The following TRIP4 variants were observed in gnomAD, a reference collection of about 807,000 sequenced individuals.
The protein encoded by TRIP4 is thyroid hormone receptor interactor 4.
In TRIP4, 54 loss-of-function variants were observed where a neutral mutation model predicts 81.8. The observed-to-expected ratio is 0.66, with a 90% CI of 0.53 to 0.83. The LOEUF (loss-of-function observed/expected upper bound fraction) is 0.83. Among genes scored for constraint, TRIP4 ranks in the 40% least tolerant of loss-of-function variants. The pLI, the probability that TRIP4 is intolerant of heterozygous loss-of-function variation, is 0.00. For synonymous variants in TRIP4, 270 were observed against 242.8 expected, an observed-to-expected ratio of 1.11 and a Z score of -1.04; for missense variants, 662 against 683.6, an observed-to-expected ratio of 0.97 and a Z score of 0.35.
At chr15:64,405,831 AC>A (rs1395016962) in intron 5 of TRIP4, among the ~76,000 whole-genome samples, 1 of 152,152 alleles carries the variant, frequency 6.6e-6, no homozygotes, top group Non-Finnish European at 1.5e-5. Context: ...CCGCCTCTCT[AC>A]AAAAATTTAA....
chr15:64,391,057 A>C (rs532333110), intron 1 of TRIP4, among the ~76,000 whole-genome samples: 96 of 152,362 alleles, frequency 6.3e-4, no homozygotes, highest in African/African-American at 2.2e-3. Flanking sequence ...CCTGGCATTT[A>C]ATTGAGAATT....
intron 5 of TRIP4, among the ~76,000 whole-genome samples, chr15:64,404,393 T>A (rs551107326): frequency 6.6e-6 from 1 of 152,122 alleles, no homozygotes; most frequent in East Asian, 1.9e-4. Context: ...TGATCTTGGC[T>A]CACTGCAACT....
At chr15:64,439,870 A>G (rs1035215661) in intron 11 of TRIP4, among the ~76,000 whole-genome samples, 8 of 152,016 alleles carry the variant, frequency 5.3e-5, no homozygotes, top group Non-Finnish European at 1.0e-4. Flanking sequence ...TTTACAGATC[A>G]TCTGGGAATT....
intron 4 of TRIP4, among the ~76,000 whole-genome samples, chr15:64,398,606 C>T (rs569352788): frequency 5.3e-5 from 8 of 151,938 alleles, no homozygotes; most frequent in African/African-American, 1.7e-4. Flanking sequence ...CAGGTTATAT[C>T]CTAGTACTGA....
intron 9 of TRIP4, 148 bp downstream of exon 9, chr15:64,418,876 T>C: frequency 1.4e-6 from 1 of 722,168 alleles, no homozygotes; most frequent in Non-Finnish European, 2.0e-6. Context: ...ATATTCATGT[T>C]ACTGACTTGG....
intron 7 of TRIP4, among the ~76,000 whole-genome samples, chr15:64,411,516 A>G (rs907680692): frequency 6.6e-6 from 1 of 152,070 alleles, no homozygotes; most frequent in African/African-American, 2.4e-5. Flanking sequence ...TCACACCTGT[A>G]ATTTCAGCAC....
At chr15:64,424,266 T>C (rs1345021851) in intron 10 of TRIP4, 111 bp downstream of exon 10, 2 of 1,460,396 alleles carry the variant, frequency 1.4e-6, no homozygotes, top group Non-Finnish European at 9.3e-7. Flanking sequence ...AAAGAGACTT[T>C]TAATCTTTGT....
At chr15:64,419,345 T>C (rs1197956340) in intron 9 of TRIP4, among the ~76,000 whole-genome samples, 1 of 152,058 alleles carries the variant, frequency 6.6e-6, no homozygotes, top group East Asian at 1.9e-4. Flanking sequence ...GTGTCTTGTG[T>C]TTTTTTCTTT....
At chr15:64,426,480 A>G (rs769706005) in intron 11 of TRIP4, among the ~76,000 whole-genome samples, 1 of 152,164 alleles carries the variant, frequency 6.6e-6, no homozygotes, top group Non-Finnish European at 1.5e-5. Context: ...CGGGTGGATC[A>G]CTTTAAGTCA....
At position 64,414,134 on chromosome 15, in the gene TRIP4, C is replaced by G. The variant is rs749426700; in HGVS notation, c.1093C>G (p.Leu365Val). ...TGCCAATGGAACCTTGAACCAGCCA[C>G]TGACCAAATTGGATAGATCTTCTGA... ...AIANGTLNQP[L>V]TKLDRSSEEP... Residue 365 changes from leucine (L) to valine (V), a missense_variant, in exon 8 of 13, where the codon CTG becomes GTG. Physicochemically the swap from Leu to Val is conservative, Grantham distance 32 (BLOSUM62 1). Coordinates refer to ENST00000261884, the MANE Select transcript of TRIP4 (RefSeq NM_016213.5). The G allele has an allele frequency of 5.0e-6, 8 of 1,614,054 alleles. No individual in the cohort carries two copies. The highest frequency in any genetic ancestry group is 1.3e-5 in the African/African-American group (1 of 74,938).
chr15:64,448,590 A>G (rs1228048987), intron 12 of TRIP4, among the ~76,000 whole-genome samples: 1 of 152,060 alleles, frequency 6.6e-6, no homozygotes, highest in Non-Finnish European at 1.5e-5. Flanking sequence ...CAGCCTCCTA[A>G]GTAGCTGGGA....
At chr15:64,397,468 T>C in intron 3 of TRIP4, 138 bp from the exon 4 acceptor site, 1 of 806,212 alleles carries the variant, frequency 1.2e-6, no homozygotes, top group South Asian at 1.9e-5. Context: ...CTAATTTGTA[T>C]TTCTTCCTTT....
intron 1 of TRIP4, among the ~76,000 whole-genome samples, chr15:64,392,217 GA>G (rs1900153951): frequency 6.6e-6 from 1 of 151,938 alleles, no homozygotes; most frequent in African/African-American, 2.4e-5. Flanking sequence ...AGAATCGCTT[GA>G]ACCTGGGAGA....
intron 6 of TRIP4, among the ~76,000 whole-genome samples, chr15:64,407,253 C>T (rs1054242792): frequency 1.1e-4 from 17 of 152,162 alleles, no homozygotes; most frequent in African/African-American, 3.6e-4. Context: ...GCTATGAATA[C>T]ATGAGATAAG....
intron 11 of TRIP4, among the ~76,000 whole-genome samples, chr15:64,427,954 C>A (rs114068015): frequency 6.6e-6 from 1 of 151,896 alleles, no homozygotes. Flanking sequence ...TTCCTCCCCC[C>A]TCTTTTTTTT....
At chr15:64,448,206 G>T (rs996032489) in intron 12 of TRIP4, among the ~76,000 whole-genome samples, 1 of 152,074 alleles carries the variant, frequency 6.6e-6, no homozygotes, top group Non-Finnish European at 1.5e-5. Context: ...CCCCTGGCTT[G>T]GTTTTCATCT....
chr15:64,440,078 G>A (rs987817502), intron 11 of TRIP4, among the ~76,000 whole-genome samples: 3 of 151,372 alleles, frequency 2.0e-5, no homozygotes, highest in African/African-American at 7.3e-5. Flanking sequence ...TATTTATTTA[G>A]TCCTCTAAAA....
At chr15:64,430,399 C>CTGCCAGCAGCAGA (rs1265793892) in intron 11 of TRIP4, among the ~76,000 whole-genome samples, 1 of 152,250 alleles carries the variant, frequency 6.6e-6, no homozygotes, top group East Asian at 1.9e-4. Flanking sequence ...AGCATTTTAT[C>CTGCCAGCAGCAGA]TGCCAGCAGC....
intron 11 of TRIP4, among the ~76,000 whole-genome samples, chr15:64,435,474 C>T (rs1410874266): frequency 2.0e-5 from 3 of 147,724 alleles, no homozygotes; most frequent in Admixed American, 6.8e-5. Flanking sequence ...TGCAGTGAGC[C>T]GAGATCGCGC....
Sources: gnomAD v4.1 joint callset for allele counts (sites outside exome capture counted in the v4.1 genomes callset) on GRCh38, gnomAD v4.1.1 for gene constraint, MANE v1.5 for transcripts, NCBI Gene and HGNC (gene_info 2026-07-23, HGNC 2026-07-21) for gene names.